RAB6A: variants seen among roughly 807,000 people sequenced by gnomAD.
RAB6A encodes ras-related protein Rab-6A.
A neutral mutation model predicts 32.3 loss-of-function variants in RAB6A; 8 were observed. The ratio of observed to expected loss-of-function variants is 0.25; its 90% confidence interval spans 0.15 to 0.45. The LOEUF (loss-of-function observed/expected upper bound fraction) is 0.45. Among genes scored for constraint, RAB6A ranks in the 20% least tolerant of loss-of-function variants. The pLI, the probability that RAB6A is intolerant of heterozygous loss-of-function variation, is 1.00. For missense variants in RAB6A, 104 were observed against 249.4 expected (o/e 0.42, Z 3.93); for synonymous variants, 73 against 82.1 (o/e 0.89, Z 0.60).
Position 73,760,512 on chromosome 11 carries a change from G to A in RAB6A, c.70+54C>T, listed in dbSNP as rs192260792. ...CGCGGACGGAAGGGCCGCACCGGGG[G>A]CGGTGCGGGGACGCTGCGGCCAGCT... On this transcript the variant is annotated intron_variant, in intron 1 of 7. Coordinates refer to ENST00000336083, the MANE Select transcript of RAB6A (RefSeq NM_198896.2). 156 of 1,539,820 alleles carry A rather than the reference G, an allele frequency of 1.0e-4. 2 individuals are homozygous for A. The African/African-American group carries it at 1.9e-3, about 19-fold the overall frequency.
chr11:73,676,745 G>A lies in RAB6A; in HGVS notation c.*1153C>T, dbSNP rs183634343. 2.0e-3 allele frequency: 337 copies of A among 167,030 alleles called. 1 individual carries two copies. The highest frequency in any genetic ancestry group is 7.4e-3 in the African/African-American group (309 of 41,522). 10.3% of individuals were successfully genotyped at this position (167,030 alleles called of 1,614,324 possible). A position where few individuals can be genotyped will look rare whatever the true frequency, so the allele number is the denominator to read the frequency against. On this transcript the variant is annotated 3_prime_UTR_variant, in exon 8 of 8. Transcript: ENST00000336083. ...AGGGGCTTACAAGAAAACGGTTTCCGGTTTCCGTCTTCAATTTGACCTCAA... is the reference window on the plus strand; with the variant it reads ...AGGGGCTTACAAGAAAACGGTTTCCAGTTTCCGTCTTCAATTTGACCTCAA...
chr11:73,711,594 CAT>C (rs1220469305), intron 5 of RAB6A, among the ~76,000 whole-genome samples: 1 of 152,142 alleles, frequency 6.6e-6, no homozygotes, highest in East Asian at 1.9e-4. Context: ...TAGACTTGTA[CAT>C]ATGTCTTTTT....
intron 6 of RAB6A, among the ~76,000 whole-genome samples, chr11:73,702,159 T>G (rs1455502956): frequency 6.6e-6 from 1 of 152,136 alleles, no homozygotes; most frequent in Admixed American, 6.6e-5. Flanking sequence ...AGTAAGGATA[T>G]ATAAGGTGTT....
intron 6 of RAB6A, among the ~76,000 whole-genome samples, chr11:73,689,960 C>A (rs1446524864): frequency 6.6e-6 from 1 of 150,812 alleles, no homozygotes; most frequent in Non-Finnish European, 1.5e-5. Context: ...TCAAAATAGA[C>A]CTCTTTAAAT....
At chr11:73,714,211 T>A (rs199798385) in intron 5 of RAB6A, among the ~76,000 whole-genome samples, 6,391 of 50,736 alleles carry the variant, frequency 0.13, 203 homozygotes, top group Non-Finnish European at 0.15. Context: ...AAAAAAAAAA[T>A]ATATATATAT....
chr11:73,739,263 TAAAAAA>T (rs58629008), intron 1 of RAB6A, among the ~76,000 whole-genome samples: 281 of 9,380 alleles, frequency 0.03, 27 homozygotes, highest in Middle Eastern at 0.11. Context: ...TAATAATAAT[TAAAAAA>T]AAAAAAAAAA....
chr11:73,746,622 T>C (rs1161729964), intron 1 of RAB6A, among the ~76,000 whole-genome samples: 1 of 152,024 alleles, frequency 6.6e-6, no homozygotes, highest in Non-Finnish European at 1.5e-5. Flanking sequence ...TAAAAAAATT[T>C]AGCTGGGGAT....
At chr11:73,746,871 T>TC (rs1946596012) in intron 1 of RAB6A, among the ~76,000 whole-genome samples, 1 of 152,080 alleles carries the variant, frequency 6.6e-6, no homozygotes, top group Non-Finnish European at 1.5e-5. Context: ...TTAGTTAATC[T>TC]CTCTGTGCCT....
At chr11:73,692,417 G>A (rs1945582275) in intron 6 of RAB6A, among the ~76,000 whole-genome samples, 1 of 149,288 alleles carries the variant, frequency 6.7e-6, no homozygotes. Flanking sequence ...GCAGGAGAAT[G>A]GCGTGAACCC....
intron 6 of RAB6A, among the ~76,000 whole-genome samples, chr11:73,697,921 A>G (rs1416413654): frequency 6.6e-6 from 1 of 152,156 alleles, no homozygotes; most frequent in Non-Finnish European, 1.5e-5. Context: ...ATTCAGTTAT[A>G]CTGAAGTCCT....
intron 1 of RAB6A, among the ~76,000 whole-genome samples, chr11:73,753,728 C>A (rs1196710921): frequency 6.6e-6 from 1 of 150,726 alleles, no homozygotes; most frequent in Non-Finnish European, 1.5e-5. Context: ...AACAAAAAAA[C>A]AAAAAAACTC....
chr11:73,756,905 C>A (rs1946759164), intron 1 of RAB6A, among the ~76,000 whole-genome samples: 1 of 151,446 alleles, frequency 6.6e-6, no homozygotes, highest in South Asian at 2.1e-4. Flanking sequence ...AACTCCTGAC[C>A]TCAGGTGATT....
chr11:73,677,873 A>G lies in RAB6A; in HGVS notation c.*25T>C. The G allele has an allele frequency of 6.2e-7, 1 of 1,614,064 alleles. No homozygotes were observed. Among genetic ancestry groups the G allele is most frequent in the Non-Finnish European group, 8.5e-7 (1 of 1,179,906 alleles). ...GGGGGCCAAAGCAGTGAGCTTCTGA[A>G]GAAGGTTGAAGATGACATGGGAGAT... On this transcript the variant is annotated 3_prime_UTR_variant, in exon 8 of 8. Coordinates refer to ENST00000336083, the MANE Select transcript of RAB6A (RefSeq NM_198896.2).
Position 73,718,710 on chromosome 11 carries a change from C to G in RAB6A, c.192G>C (p.Leu64Phe), listed in dbSNP as rs779168676. The G allele has an allele frequency of 6.2e-7, 1 of 1,613,986 alleles. No individual in the cohort carries two copies. The highest frequency in any genetic ancestry group is 8.5e-7 in the Non-Finnish European group (1 of 1,179,958). ...CTTGACCTGCTGTGTCCCATAATTG[C>G]AATCGTACCTAACAACAAAATCAGT... is the stretch of plus-strand genomic sequence containing the variant. ...TMYLEDRTVR[L>F]QLWDTAGQER... The change falls in exon 4 of 8, where the codon TTG becomes TTC. Residue 64 changes from leucine to phenylalanine, a missense_variant. Leu to Phe is a conservative substitution (Grantham distance 22). Around this residue, in one of 4 missense-constraint regions of RAB6A, gnomAD observed 48 missense variants for 155.2 expected, o/e 0.31. Coordinates refer to ENST00000336083, the MANE Select transcript of RAB6A (RefSeq NM_198896.2).
At chr11:73,759,954 G>C in intron 1 of RAB6A, 13 of 1,073,682 alleles carry the variant, frequency 1.2e-5, no homozygotes, top group Non-Finnish European at 1.4e-5. Flanking sequence ...CCATGCTCAA[G>C]TCGTCTCCAA....
chr11:73,744,330 T>C (rs1590886371), intron 1 of RAB6A, among the ~76,000 whole-genome samples: 4 of 105,514 alleles, frequency 3.8e-5, no homozygotes, highest in Admixed American at 1.2e-4. Flanking sequence ...AAAGGGAGAC[T>C]CCATCTCAAA....
At position 73,683,533 on chromosome 11, in the gene RAB6A, C is replaced by T. The variant is rs143787773; in HGVS notation, c.496-3813G>A. Among the ~76,000 whole-genome samples, 26 of 150,290 alleles carry T rather than the reference C, an allele frequency of 1.7e-4. 1 individual carries two copies. The East Asian group carries it at 4.9e-3, about 28-fold the overall frequency. ...TCAGCCTCCCAAAGTGCTGGGATTA[C>T]AGGCATGCACCACCGCACCTGGTGG... On this transcript the variant is annotated intron_variant, in intron 6 of 7. Transcript: ENST00000336083.
intron 1 of RAB6A, among the ~76,000 whole-genome samples, chr11:73,740,047 A>G (rs996801069): frequency 2.6e-5 from 4 of 151,584 alleles, no homozygotes; most frequent in Non-Finnish European, 5.9e-5. Context: ...CAACAGAGCA[A>G]GACTCTGTCT....
At chr11:73,740,417 C>T (rs908953501) in intron 1 of RAB6A, among the ~76,000 whole-genome samples, 6 of 152,118 alleles carry the variant, frequency 3.9e-5, no homozygotes, top group Admixed American at 1.3e-4. Context: ...TATCCAAGGG[C>T]GTCTCACCTA....
Sources: allele counts gnomAD v4.1 joint callset (sites outside exome capture counted in the v4.1 genomes callset), GRCh38; gene constraint gnomAD v4.1.1; regional missense constraint gnomAD v4.1.1; transcripts MANE v1.5; gene names NCBI Gene and HGNC (gene_info 2026-07-23, HGNC 2026-07-21).